Variants in CHRNB4 observed in about 807,000 individuals in gnomAD.
CHRNB4 encodes neuronal acetylcholine receptor subunit beta-4.
A neutral mutation model predicts 40.4 loss-of-function variants in CHRNB4; 23 were observed. The observed-to-expected ratio is 0.57, with a 90% CI of 0.41 to 0.81. The LOEUF is 0.81. Among genes scored for constraint, CHRNB4 ranks in the 30% least tolerant of loss-of-function variants. The pLI, the probability that CHRNB4 is intolerant of heterozygous loss-of-function variation, is 0.00. For synonymous variants in CHRNB4, 285 were observed against 274.4 expected (o/e 1.04, Z -0.38); for missense variants, 568 against 670.6 (o/e 0.85, Z 1.69).
In CHRNB4 at chr15:78,625,271, G is replaced by A. The variant is rs71528520; in HGVS notation, c.1359C>T (p.Tyr453=). The change falls in exon 6 of 6, where the codon TAC becomes TAT. Residue 453 remains tyrosine (Y), a synonymous_variant. Coordinates refer to ENST00000261751, the MANE Select transcript of CHRNB4 (RefSeq NM_000750.5). The stretch of plus-strand genomic sequence containing the variant: ...ACAGCCGGTCCACCACCATAGCCAC[G>A]TACTTCCAGTCCTCAACGACCTGCA... The part of the protein sequence containing the change: ...EDQSVVEDWK[Y]VAMVVDRLFL... The A allele has an allele frequency of 9.7e-6, 15 of 1,545,820 alleles. No individual in the cohort carries two copies. The highest frequency in any genetic ancestry group is 6.9e-5 in the African/African-American group (5 of 72,624).
At chr15:78,658,805 C>T (rs917038814) in intron 1 of CHRNB4, among the ~76,000 whole-genome samples, 2 of 152,130 alleles carry the variant, frequency 1.3e-5, no homozygotes, top group Admixed American at 6.5e-5. Flanking sequence ...AAGCAGTGGC[C>T]TCCAAATAAA....
intron 1 of CHRNB4, among the ~76,000 whole-genome samples, chr15:78,636,057 G>A (rs67175876): frequency 0.65 from 99,109 of 151,746 alleles, 34,489 homozygotes; most frequent in Non-Finnish European, 0.8. Context: ...ACAGGCCTGC[G>A]CCACCACACC....
chr15:78,653,071 A>T (rs1225037341), intron 5 of CHRNB4, among the ~76,000 whole-genome samples: 1 of 152,092 alleles, frequency 6.6e-6, no homozygotes, highest in Non-Finnish European at 1.5e-5. Flanking sequence ...AAATGGGATA[A>T]TGAAAGCCTC....
In CHRNB4 at chr15:78,635,478, G is replaced by T; in HGVS notation, c.165C>A (p.Ser55=). The change falls in exon 2 of 6, where the codon TCC becomes TCA. Residue 55 remains serine, a synonymous_variant. Coordinates refer to ENST00000261751, the MANE Select transcript of CHRNB4 (RefSeq NM_000750.5). ...GGGCCAGGGAGAGCTGCAGCTTGAT[G>T]GAGATGAGCTGTGAGGAGCTGGTGG... ...RPATSSSQLI[S]IKLQLSLAQL... The T allele has an allele frequency of 6.2e-7, 1 of 1,614,172 alleles. No individual in the cohort carries two copies. Among genetic ancestry groups the T allele is most frequent in the South Asian group, 1.1e-5 (1 of 91,084 alleles).
chr15:78,649,611 A>G (rs1001846189), intron 6 of CHRNB4, among the ~76,000 whole-genome samples: 1 of 152,256 alleles, frequency 6.6e-6, no homozygotes, highest in Non-Finnish European at 1.5e-5. Flanking sequence ...AGTCACAATT[A>G]TTAACAAAAA....
At chr15:78,648,175 C>T (rs532326945) in intron 7 of CHRNB4, among the ~76,000 whole-genome samples, 2 of 151,876 alleles carry the variant, frequency 1.3e-5, no homozygotes, top group East Asian at 2.0e-4. Flanking sequence ...GGGTGGATCA[C>T]GAGGTCAGGA....
At chr15:78,632,174 T>TC (rs1426526474) in intron 2 of CHRNB4, among the ~76,000 whole-genome samples, 1 of 3,978 alleles carries the variant, frequency 2.5e-4, no homozygotes, top group African/African-American at 5.2e-4. Context: ...TTTCTTTCTC[T>TC]TTCTTTCTTT....
intron 5 of CHRNB4, chr15:78,627,112 G>C (rs969643535): frequency 6.6e-6 from 1 of 152,238 alleles, no homozygotes; most frequent in African/African-American, 2.4e-5. Flanking sequence ...TTCTCACTTA[G>C]CCAGCAGGGC....
chr15:78,645,574 T>C (rs953282484), upstream of CHRNB4, among the ~76,000 whole-genome samples: 2 of 151,742 alleles, frequency 1.3e-5, no homozygotes, highest in Non-Finnish European at 2.9e-5. Context: ...CCCAGTGAGA[T>C]TGAGCCCCAG....
chr15:78,649,685 C>T (rs542553912), intron 6 of CHRNB4, among the ~76,000 whole-genome samples: 7 of 152,190 alleles, frequency 4.6e-5, no homozygotes, highest in African/African-American at 1.7e-4. Flanking sequence ...CATACGTGGA[C>T]ATATACATAT....
intron 6 of CHRNB4, among the ~76,000 whole-genome samples, chr15:78,649,983 T>G (rs948978670): frequency 6.6e-6 from 1 of 151,736 alleles, no homozygotes; most frequent in African/African-American, 2.4e-5. Flanking sequence ...GATTTATGTA[T>G]GTTTGAAATA....
At chr15:78,652,289 G>A (rs181121889) in intron 6 of CHRNB4, among the ~76,000 whole-genome samples, 1 of 152,184 alleles carries the variant, frequency 6.6e-6, no homozygotes, top group Admixed American at 6.5e-5. Flanking sequence ...CTCAACCTTC[G>A]CTGGCTGCTT....
upstream of CHRNB4, among the ~76,000 whole-genome samples, chr15:78,645,696 T>G (rs1407799535): frequency 6.6e-6 from 1 of 152,012 alleles, no homozygotes; most frequent in African/African-American, 2.4e-5. Context: ...TCTAAAAAAA[T>G]GCATGCACCC....
intron 2 of CHRNB4, among the ~76,000 whole-genome samples, chr15:78,632,213 C>CTT (rs1296218248): frequency 8.9e-4 from 76 of 85,468 alleles, no homozygotes; most frequent in African/African-American, 4.1e-3. Context: ...TTCTTTCTTT[C>CTT]TCTTTCTCTC....
chr15:78,628,747 G>A (rs1400012705), intron 5 of CHRNB4, among the ~76,000 whole-genome samples: 1 of 152,062 alleles, frequency 6.6e-6, no homozygotes, highest in African/African-American at 2.4e-5. Context: ...TTTGCTTCTG[G>A]GACACCTAAA....
At chr15:78,649,465 T>A (rs1208997992) in intron 6 of CHRNB4, 3 of 445,378 alleles carry the variant, frequency 6.7e-6, no homozygotes, top group Admixed American at 5.1e-5. Flanking sequence ...TTTATAACAT[T>A]AAAGCACTAT....
At chr15:78,648,693 C>T (rs1018170704) in intron 7 of CHRNB4, among the ~76,000 whole-genome samples, 5 of 143,180 alleles carry the variant, frequency 3.5e-5, no homozygotes, top group African/African-American at 1.3e-4. Context: ...GCGGAAGTTG[C>T]AGTGAGCCAA....
chr15:78,634,636 G>T (rs2053907736), intron 2 of CHRNB4: 1 of 448,268 alleles, frequency 2.2e-6, no homozygotes, highest in African/African-American at 2.0e-5. Context: ...CCAGAGGAGG[G>T]TCAGCCCCCT....
At chr15:78,660,320 T>G (rs1189767563) in intron 1 of CHRNB4, among the ~76,000 whole-genome samples, 1 of 152,238 alleles carries the variant, frequency 6.6e-6, no homozygotes, top group Non-Finnish European at 1.5e-5. Context: ...CCCTCTGCTG[T>G]TGCAGTACAC....
Sources: allele counts gnomAD v4.1 joint callset (sites outside exome capture counted in the v4.1 genomes callset), GRCh38; gene constraint gnomAD v4.1.1; transcripts MANE v1.5; gene names NCBI Gene and HGNC (gene_info 2026-07-23, HGNC 2026-07-21).